The following ERBIN variants were observed in gnomAD, a reference collection of about 807,000 sequenced individuals.
ERBIN encodes densin-180-like protein.
Under a neutral mutation model 158.4 loss-of-function variants are expected in ERBIN, and 60 were observed. The observed-to-expected ratio is 0.38, with a 90% CI of 0.31 to 0.47. The LOEUF is 0.47. Ranked by LOEUF, ERBIN falls within the 20% of genes least tolerant of loss-of-function variation. The pLI is 0.99. For missense variants in ERBIN, 1,610 were observed against 1,648.0 expected (o/e 0.98, Z 0.40); for synonymous variants, 594 against 557.2 (o/e 1.07, Z -0.93).
At chr5:65,991,973 G>T (rs1202988831) in intron 2 of ERBIN, among the ~76,000 whole-genome samples, 1 of 152,126 alleles carries the variant, frequency 6.6e-6, no homozygotes, top group Non-Finnish European at 1.5e-5. Context: ...ATCCCTGATG[G>T]CTGGTTAAGA....
intron 20 of ERBIN, among the ~76,000 whole-genome samples, chr5:66,052,248 T>A (rs1439582351): frequency 1.3e-5 from 2 of 151,494 alleles, no homozygotes; most frequent in East Asian, 3.9e-4. Flanking sequence ...AAGTTTAATG[T>A]GTGGATATTT....
intron 21 of ERBIN, among the ~76,000 whole-genome samples, chr5:66,065,441 G>T (rs1040050722): frequency 6.6e-6 from 1 of 152,062 alleles, no homozygotes; most frequent in Admixed American, 6.5e-5. Context: ...TTTAAGGCAG[G>T]ATGGTTTGAA....
At chr5:66,003,948 T>TTTA (rs1554056097) in intron 4 of ERBIN, among the ~76,000 whole-genome samples, 1 of 112,880 alleles carries the variant, frequency 8.9e-6, no homozygotes, top group Admixed American at 8.7e-5. Flanking sequence ...TTTTTTTTTT[T>TTTA]ATAAGAGGCG....
Position 66,080,146 on chromosome 5 carries a change from CTT to C in ERBIN, c.*1619_*1620del, listed in dbSNP as rs1034208035. 6.6e-6 allele frequency: 1 copy of C among 152,432 alleles called. No homozygotes were observed. The highest frequency in any genetic ancestry group is 2.4e-5 in the African/African-American group (1 of 41,412). The allele number at this position is 152,432 out of a possible 1,614,324, so 9.4% of individuals were successfully genotyped here. On this transcript the variant is annotated 3_prime_UTR_variant, in exon 26 of 26. Transcript: ENST00000284037. ...TTATCAACCTTGATTTTAATTAAGA[CTT>C]TTATAAGACTAGCTTAAAACACCAA...
At chr5:65,993,324 A>G (rs1048788206) in intron 3 of ERBIN, among the ~76,000 whole-genome samples, 1 of 152,188 alleles carries the variant, frequency 6.6e-6, no homozygotes, top group Non-Finnish European at 1.5e-5. Context: ...TTTATTGTTA[A>G]ACAGCTTTTC....
chr5:66,023,210 TC>T, intron 8 of ERBIN, 79 bp from the exon 9 acceptor site: 1 of 993,458 alleles, frequency 1.0e-6, no homozygotes, highest in Non-Finnish European at 1.6e-6. Context: ...TATTAGAAAT[TC>T]CCAGGGCTTC....
chr5:66,002,078 TC>T (rs1421321725), intron 4 of ERBIN, among the ~76,000 whole-genome samples: 2 of 152,134 alleles, frequency 1.3e-5, no homozygotes, highest in African/African-American at 4.8e-5. Context: ...GATTTTCTGT[TC>T]CTGTGTTAGT....
At chr5:65,989,500 C>T (rs539334865) in intron 2 of ERBIN, among the ~76,000 whole-genome samples, 34 of 152,286 alleles carry the variant, frequency 2.2e-4, no homozygotes, top group Non-Finnish European at 4.0e-4. Context: ...AGAGCCCAAT[C>T]TAATCTTTCT....
At position 66,050,929 on chromosome 5, in the gene ERBIN, G is replaced by T; in HGVS notation, c.2050G>T (p.Val684Leu). Reference sequence around the variant, plus strand: ...TCAAGACACCTCACTCTGCTCTCCAGTGAAACAAACTCATATTGATATTAA... The same window carrying T: ...TCAAGACACCTCACTCTGCTCTCCATTGAAACAAACTCATATTGATATTAA... ...SSQDTSLCSP[V>L]KQTHIDINSK... Residue 684 changes from valine to leucine, a missense_variant, in exon 20 of 26, where the codon GTG (valine) becomes TTG (leucine). This residue lies in a region of ERBIN where 1,014 missense variants were observed against 936.1 expected (regional missense o/e 1.08). Coordinates refer to ENST00000284037, the MANE Select transcript of ERBIN (RefSeq NM_001253697.2). The T allele has an allele frequency of 1.9e-6, 3 of 1,604,478 alleles. No individual in the cohort carries two copies. Among genetic ancestry groups the T allele is most frequent in the South Asian group, 1.1e-5 (1 of 88,208 alleles).
At chr5:65,993,735 TA>T (rs1752132692) in intron 3 of ERBIN, among the ~76,000 whole-genome samples, 1 of 152,140 alleles carries the variant, frequency 6.6e-6, no homozygotes. Context: ...AAAAAAACTA[TA>T]AATTTGGACT....
chr5:66,050,427 AG>A (rs1758908713), intron 19 of ERBIN, among the ~76,000 whole-genome samples: 1 of 34,350 alleles, frequency 2.9e-5, no homozygotes, highest in Admixed American at 1.8e-4. Flanking sequence ...TTGTATTTTT[AG>A]TAGAGACGGG....
In ERBIN at chr5:66,076,756, A is replaced by G. The variant is rs918267847; in HGVS notation, c.4057-119A>G. 4.1e-6 allele frequency: 3 copies of G among 736,494 alleles called. No homozygotes were observed. The Admixed American group carries it at 7.6e-5, about 19-fold the overall frequency. The allele number at this position is 736,494 out of a possible 1,614,324, so 45.6% of individuals were successfully genotyped here. On this transcript the variant is annotated intron_variant, in intron 24 of 25. Transcript: ENST00000284037. The stretch of plus-strand genomic sequence containing the variant: ...TGTTACAGTATTACTCAGAGAAGTC[A>G]GGGAGAAAACTTGTACCATGATTCA...
chr5:66,006,917 T>C (rs566803988), intron 4 of ERBIN, among the ~76,000 whole-genome samples: 1,589 of 150,130 alleles, frequency 0.011, 38 homozygotes, highest in African/African-American at 0.036. Flanking sequence ...TGTGGAGAAA[T>C]AGGAACACTT....
intron 1 of ERBIN, among the ~76,000 whole-genome samples, chr5:65,976,711 G>A (rs6866528): frequency 0.039 from 5,845 of 151,080 alleles, 391 homozygotes; most frequent in African/African-American, 0.14. Context: ...AGGGAGTGGT[G>A]ATGACTCTTA....
rs193149050 is a variant in ERBIN, at chr5:66,025,213, C to T, written c.818-267C>T. ...GAAGCAGAGCTACAACAGTGAACAA[C>T]GAAGACAAAAAAGTTCCTACTATCA... On this transcript the variant is annotated intron_variant, in intron 10 of 25. Transcript: ENST00000284037. 1.2e-4 allele frequency: 49 copies of T among 401,334 alleles called. 1 individual carries two copies. Among genetic ancestry groups the T allele is most frequent in the South Asian group, 1.2e-3 (42 of 35,012 alleles). The allele number at this position is 401,334 out of a possible 1,614,324, so 24.9% of individuals were successfully genotyped here. A position where few individuals can be genotyped will look rare whatever the true frequency, so the allele number is the denominator to read the frequency against.
At chr5:65,999,726 A>G (rs16894701) in intron 4 of ERBIN, among the ~76,000 whole-genome samples, 35 of 152,074 alleles carry the variant, frequency 2.3e-4, no homozygotes, top group East Asian at 1.9e-3. Flanking sequence ...TTGTGTGACT[A>G]TTCCTCTCAT....
Position 66,075,081 on chromosome 5 carries a change from C to G in ERBIN, c.3814C>G (p.Gln1272Glu). The G allele has an allele frequency of 1.9e-6, 3 of 1,614,066 alleles. No homozygotes were observed. Among genetic ancestry groups the G allele is most frequent in the Non-Finnish European group, 2.5e-6 (3 of 1,180,004 alleles). The stretch of plus-strand genomic sequence containing the variant: ...TCTCAGGCCTCAGGCAAATTATAGT[C>G]AAATACATCACCCCCCTCAGGCATC... Reference protein sequence around the residue: ...QPLRPQANYSQIHHPPQASVA... With the variant: ...QPLRPQANYSEIHHPPQASVA... Residue 1272 changes from glutamine to glutamate, a missense_variant, in exon 23 of 26, where the codon CAA becomes GAA. Around this residue, in one of 2 missense-constraint regions of ERBIN, gnomAD observed 1,014 missense variants for 936.1 expected, o/e 1.08. Transcript: ENST00000284037.
chr5:66,014,440 G>A (rs573479385), intron 6 of ERBIN, among the ~76,000 whole-genome samples: 4 of 152,234 alleles, frequency 2.6e-5, no homozygotes, highest in Admixed American at 6.5e-5. Flanking sequence ...TCACTTTGTC[G>A]CTTTGAAAAT....
intron 14 of ERBIN, among the ~76,000 whole-genome samples, chr5:66,032,230 G>A (rs1304531898): frequency 6.6e-6 from 1 of 152,188 alleles, no homozygotes; most frequent in Non-Finnish European, 1.5e-5. Context: ...AGAGGAACCT[G>A]TATTATATCT....
Sources: allele counts gnomAD v4.1 joint callset (sites outside exome capture counted in the v4.1 genomes callset), GRCh38; gene constraint gnomAD v4.1.1; regional missense constraint gnomAD v4.1.1; transcripts MANE v1.5; gene names NCBI Gene and HGNC (gene_info 2026-07-23, HGNC 2026-07-21).